The following CA6 variants were observed in gnomAD, a reference collection of about 807,000 sequenced individuals.
CA6 encodes carbonate dehydratase VI.
Under a neutral mutation model 35.9 loss-of-function variants are expected in CA6, and 28 were observed. The observed-to-expected ratio is 0.78, with a 90% CI of 0.58 to 1.07. The LOEUF (loss-of-function observed/expected upper bound fraction) is 1.07. CA6 is among the 50% of genes least tolerant of loss of function. CA6 has a pLI of 0.00. For synonymous variants in CA6, 148 were observed against 152.6 expected (o/e 0.97, Z 0.22); for missense variants, 377 against 382.0 (o/e 0.99, Z 0.11).
chr1:8,970,948 C>T lies in CA6; in HGVS notation c.811C>T (p.His271Tyr). 4.3e-6 allele frequency: 7 copies of T among 1,613,820 alleles called. No individual in the cohort carries two copies. The highest frequency in any genetic ancestry group is 5.9e-6 in the Non-Finnish European group (7 of 1,179,714). Reference sequence around the variant, plus strand: ...TTACCGCAGGACCCAGCCCCTGAACCACAGAGTGGTGGAATCCAACTTCCC... The same window carrying T: ...TTACCGCAGGACCCAGCCCCTGAACTACAGAGTGGTGGAATCCAACTTCCC... ...NDYRRTQPLN[H>Y]RVVESNFPNQ... Residue 271 changes from histidine to tyrosine, a missense_variant, in exon 7 of 8, where the codon CAC becomes TAC. Coordinates refer to ENST00000377443, the MANE Select transcript of CA6 (RefSeq NM_001215.4).
intron 7 of CA6, chr1:8,974,390 A>C: frequency 1.3e-6 from 2 of 1,538,308 alleles, no homozygotes; most frequent in Non-Finnish European, 1.7e-6. Context: ...AAAATCCAAG[A>C]GTACAGCCCA....
At chr1:8,974,377 G>A (rs1313079567) in intron 7 of CA6, 1 of 1,534,944 alleles carries the variant, frequency 6.5e-7, no homozygotes, top group Non-Finnish European at 8.7e-7. Flanking sequence ...CGTGGGAGAA[G>A]CCAAAATCCA....
chr1:8,946,621 C>T (rs748401806), intron 1 of CA6, among the ~76,000 whole-genome samples: 22 of 151,950 alleles, frequency 1.4e-4, no homozygotes, highest in East Asian at 3.9e-4. Context: ...TTTGTTGGTC[C>T]GTGTAAGTGG....
rs537647980 is a variant in CA6 at position 8,963,404 on chromosome 1, C to G, written c.571+748C>G. 6.6e-6 allele frequency among the ~76,000 whole-genome samples: 1 copy of G among 152,272 alleles called. No homozygotes were observed. The highest frequency in any genetic ancestry group is 2.1e-4 in the South Asian group (1 of 4,824). On this transcript the variant is annotated intron_variant, in intron 5 of 7. Coordinates refer to ENST00000377443, the MANE Select transcript of CA6 (RefSeq NM_001215.4). The surrounding 1 kb of genome is among the most constrained non-coding windows in gnomAD (Gnocchi z 4.1). ...ATGCAAACACCCTCTAGCCCTCACC[C>G]CTCCACCCCTCCACAAACTCACCTG...
At chr1:8,946,578 A>T in intron 1 of CA6, among the ~76,000 whole-genome samples, 1 of 152,102 alleles carries the variant, frequency 6.6e-6, no homozygotes, top group East Asian at 1.9e-4. Context: ...GTTCAAAAGC[A>T]CACTCACTGC....
chr1:8,962,671 C>T lies in CA6; in HGVS notation c.571+15C>T, dbSNP rs1296503756. ...CAAGTACCCAGGTAAGGGAAGCCAA[C>T]TGTGGCTGCAGGAGGGAAGGGGAAT... On this transcript the variant is annotated intron_variant, in intron 5 of 7. Coordinates refer to ENST00000377443, the MANE Select transcript of CA6 (RefSeq NM_001215.4). The T allele has an allele frequency of 3.1e-6, 5 of 1,607,866 alleles. No individual in the cohort carries two copies. The highest frequency in any genetic ancestry group is 4.3e-6 in the Non-Finnish European group (5 of 1,174,512).
chr1:8,953,286 G>A (rs1307545536), intron 2 of CA6, among the ~76,000 whole-genome samples: 1 of 152,092 alleles, frequency 6.6e-6, no homozygotes, highest in South Asian at 2.1e-4. Flanking sequence ...AAAGACATCC[G>A]GGCTGCTTCT....
rs2274329 is a variant in CA6 at position 8,949,392 on chromosome 1, G to A, written c.209G>A (p.Gly70Asp). ...TCCTTGAAGGGGCTCAATATGACAG[G>A]CTATGAGACCCAGGCAGGGGAGTTC... ...NPSLKGLNMT[G>D]YETQAGEFPM... Residue 70 changes from glycine to aspartate, a missense_variant, in exon 2 of 8, where the codon GGC becomes GAC. By Grantham distance (94) the Gly-to-Asp change is moderately conservative (BLOSUM62 -1). Transcript: ENST00000377443. 3.1e-6 allele frequency: 5 copies of A among 1,612,952 alleles called. No individual in the cohort carries two copies. The highest frequency in any genetic ancestry group is 3.4e-6 in the Non-Finnish European group (4 of 1,179,458).
Position 8,963,839 on chromosome 1 carries a change from C to T in CA6, c.571+1183C>T, listed in dbSNP as rs1639903447. On this transcript the variant is annotated intron_variant, in intron 5 of 7. Transcript: ENST00000377443. This position sits in a 1 kb window ranked among gnomAD's most constrained non-coding sequence, Gnocchi z 4.1. ...TATAGGCATGAGCCACCACACCTGG[C>T]CAACTGGTATTATTTTTTATTCATA... is the stretch of plus-strand genomic sequence containing the variant. Among the ~76,000 whole-genome samples, 1 of 152,150 alleles carries T rather than the reference C, an allele frequency of 6.6e-6. No individual in the cohort carries two copies. Among genetic ancestry groups the T allele is most frequent in the Non-Finnish European group, 1.5e-5 (1 of 68,020 alleles).
At position 8,956,726 on chromosome 1, in the gene CA6, C is replaced by T. The variant is rs143985338; in HGVS notation, c.260-411C>T. Among the ~76,000 whole-genome samples, 254 of 152,304 alleles carry T rather than the reference C, an allele frequency of 1.7e-3. 2 individuals carry two copies. The highest frequency in any genetic ancestry group is 5.7e-3 in the African/African-American group (236 of 41,572). On this transcript the variant is annotated intron_variant, in intron 2 of 7. Coordinates refer to ENST00000377443, the MANE Select transcript of CA6 (RefSeq NM_001215.4). ...GCCCCACTTCCTATTCTTATACCTT[C>T]GGCAAATTCCAAACTTGGCCAGAGA...
chr1:8,956,379 G>T (rs752898050), intron 2 of CA6, among the ~76,000 whole-genome samples: 2 of 152,056 alleles, frequency 1.3e-5, no homozygotes, highest in African/African-American at 4.8e-5. Flanking sequence ...AGAGATTTCA[G>T]CTGGGCGTGG....
intron 4 of CA6, among the ~76,000 whole-genome samples, chr1:8,961,675 G>A (rs1639846039): frequency 6.6e-6 from 1 of 152,154 alleles, no homozygotes; most frequent in Non-Finnish European, 1.5e-5. Flanking sequence ...CAGTCATAAA[G>A]CCAAGAAAGC....
Position 8,945,938 on chromosome 1 carries a change from C to T in CA6, c.52C>T (p.Gln18Ter). 6 of 1,613,716 alleles carry T rather than the reference C, an allele frequency of 3.7e-6. No individual in the cohort carries two copies. The highest frequency in any genetic ancestry group is 5.1e-6 in the Non-Finnish European group (6 of 1,179,714). ...LSLFLLGGQA[Q>*]HVSDWTYSEG... is the part of the protein sequence containing the mutation. ...CCTGTTCCTGCTGGGTGGCCAGGCC[C>T]AGCATGTGTCTGACTGGACCTACTC... The change falls in exon 1 of 8, where the codon CAG (glutamine) becomes TAG (stop). Residue 18 changes from glutamine to a stop codon, truncating the protein, a stop_gained. Coordinates refer to ENST00000377443, the MANE Select transcript of CA6 (RefSeq NM_001215.4). LOFTEE classifies it high-confidence loss of function.
At chr1:8,946,165 G>A (rs1217361558) in intron 1 of CA6, among the ~76,000 whole-genome samples, 200 bp downstream of exon 1, 1 of 152,064 alleles carries the variant, frequency 6.6e-6, no homozygotes, top group Non-Finnish European at 1.5e-5. Context: ...AGCCTCCCGA[G>A]TACCTGGGAT....
chr1:8,958,831 C>G (rs1241882958), intron 3 of CA6, 79 bp from the exon 4 acceptor site: 8 of 804,312 alleles, frequency 9.9e-6, no homozygotes, highest in African/African-American at 1.7e-5. Context: ...ACCTTTCTTT[C>G]TCTTCCTCCT....
intron 5 of CA6, among the ~76,000 whole-genome samples, chr1:8,965,248 AACG>A (rs1639939868): frequency 6.6e-6 from 1 of 152,114 alleles, no homozygotes; most frequent in Admixed American, 6.6e-5. Flanking sequence ...CATCTCAAAC[AACG>A]ACAACAACAA....
intron 4 of CA6, 27 bp from the exon 5 acceptor site, chr1:8,962,560 C>G (rs766487770): frequency 1.3e-6 from 2 of 1,591,166 alleles, no homozygotes; most frequent in Admixed American, 3.3e-5. Context: ...TCTTCACTTA[C>G]GCTCAGTGCT....
In CA6 at chr1:8,960,789, C is replaced by CACACACATAT. The variant is rs59987426; in HGVS notation, c.501+1788_501+1789insCACACATATA. Among the ~76,000 whole-genome samples the CACACACATAT allele has an allele frequency of 7.8e-3, 911 of 116,752 alleles. 23 individuals carry two copies. The highest frequency in any genetic ancestry group is 0.029 in the African/African-American group (865 of 29,824). 76.6% of individuals were successfully genotyped at this position (116,752 alleles called of 152,430 possible). A position where few individuals can be genotyped will look rare whatever the true frequency, so the allele number is the denominator to read the frequency against. On this transcript the variant is annotated intron_variant, in intron 4 of 7. Coordinates refer to ENST00000377443, the MANE Select transcript of CA6 (RefSeq NM_001215.4). ...ACACACACACACACACACACACACA[C>CACACACATAT]ATATATATAATGGGAGTCCCAGAAG...
At chr1:8,971,053 A>G (rs1640098066) in intron 7 of CA6, 72 bp downstream of exon 7, 1 of 1,002,100 alleles carries the variant, frequency 1.0e-6, no homozygotes, top group Non-Finnish European at 1.6e-6. Context: ...AGGTGGACCC[A>G]TCTCTTCTGG....
Sources: allele counts gnomAD v4.1 joint callset (sites outside exome capture counted in the v4.1 genomes callset), GRCh38; gene constraint gnomAD v4.1.1; non-coding constraint Gnocchi (gnomAD v3.1); transcripts MANE v1.5; gene names NCBI Gene and HGNC (gene_info 2026-07-23, HGNC 2026-07-21).